The following RP1 variants were observed in gnomAD, a reference collection of about 807,000 sequenced individuals.
RP1 encodes RP1 axonemal microtubule associated.
Under a neutral mutation model 14.8 loss-of-function variants are expected in RP1, and 16 were observed. That is an observed-to-expected ratio of 1.08 (90% CI 0.73 to 1.65). The LOEUF is 1.65. Ranked by LOEUF, RP1 falls within the 40% of genes most tolerant of loss-of-function variation. The pLI is 0.00. For missense variants in RP1, 2,631 were observed against 2,535.0 expected (o/e 1.04, Z -0.81); for synonymous variants, 876 against 883.6 (o/e 0.99, Z 0.15).
At chr8:54,603,969 T>G (rs550260586) in intron 1 of RP1, among the ~76,000 whole-genome samples, 1 of 152,202 alleles carries the variant, frequency 6.6e-6, no homozygotes. Flanking sequence ...AGATATACGA[T>G]CATGTCATCT....
intron 12 of RP1, chr8:54,699,451 TA>T: frequency 7.7e-7 from 1 of 1,296,204 alleles, no homozygotes; most frequent in Non-Finnish European, 1.0e-6. Context: ...TCTAATACTT[TA>T]AAAATGTTTT....
intron 17 of RP1, among the ~76,000 whole-genome samples, chr8:54,730,485 G>A (rs1300352546): frequency 1.3e-5 from 2 of 151,902 alleles, no homozygotes; most frequent in Non-Finnish European, 2.9e-5. Flanking sequence ...TTAGAATAAT[G>A]GTATTCCTTT....
intron 24 of RP1, among the ~76,000 whole-genome samples, chr8:54,812,794 T>TATC (rs1554535905): frequency 1.7e-4 from 25 of 150,742 alleles, no homozygotes; most frequent in Admixed American, 2.6e-4. Flanking sequence ...TCTATCTATC[T>TATC]ATCTATCTAT....
chr8:54,652,840 T>C (rs2129326327), exon 5 of RP1: 1 of 1,535,762 alleles, frequency 6.5e-7, no homozygotes, highest in Non-Finnish European at 8.7e-7. Flanking sequence ...CAACTCTGGA[T>C]CCTCCCCTTC....
At chr8:54,766,912 C>A (rs927949923) in intron 22 of RP1, among the ~76,000 whole-genome samples, 1 of 152,112 alleles carries the variant, frequency 6.6e-6, no homozygotes, top group Non-Finnish European at 1.5e-5. Context: ...CTTTTTATTC[C>A]ATTCCTTTAA....
chr8:54,813,661 T>A (rs1369384797), intron 24 of RP1, among the ~76,000 whole-genome samples: 1 of 152,244 alleles, frequency 6.6e-6, no homozygotes, highest in Non-Finnish European at 1.5e-5. Context: ...CCCTCATATG[T>A]ACAGTCACAT....
intron 8 of RP1, among the ~76,000 whole-genome samples, chr8:54,676,889 G>C (rs531294665): frequency 1.3e-5 from 2 of 152,050 alleles, no homozygotes; most frequent in African/African-American, 4.8e-5. Context: ...AAGGAGACAA[G>C]TAATTCTTTT....
At chr8:54,701,698 A>G in intron 14 of RP1, 1 of 1,516,138 alleles carries the variant, frequency 6.6e-7, no homozygotes, top group Non-Finnish European at 8.8e-7. Flanking sequence ...TTATATTGCT[A>G]AATCCCAACT....
At chr8:54,682,224 T>C (rs1297354069) in intron 12 of RP1, among the ~76,000 whole-genome samples, 6 of 151,962 alleles carry the variant, frequency 3.9e-5, no homozygotes, top group African/African-American at 7.2e-5. Context: ...TGGCCTTTTT[T>C]CCCCTTTTTT....
intron 19 of RP1, among the ~76,000 whole-genome samples, chr8:54,744,760 C>T (rs989814713): frequency 1.3e-5 from 2 of 152,214 alleles, no homozygotes; most frequent in African/African-American, 4.8e-5. Context: ...TATTCCTCCA[C>T]GTGCATTTGC....
exon 20 of RP1, chr8:54,754,816 A>C: frequency 6.6e-7 from 1 of 1,521,346 alleles, no homozygotes; most frequent in Non-Finnish European, 8.8e-7. Context: ...ACCATGCAAC[A>C]TATGAAAAGC....
At chr8:54,823,594 T>C (rs527871341) in intron 24 of RP1, among the ~76,000 whole-genome samples, 1 of 152,322 alleles carries the variant, frequency 6.6e-6, no homozygotes, top group African/African-American at 2.4e-5. Flanking sequence ...CCTCCAAAAA[T>C]ACTGGGATTA....
At chr8:54,857,136 A>C (rs1036108483) in intron 27 of RP1, 17 of 1,020,688 alleles carry the variant, frequency 1.7e-5, no homozygotes, top group Non-Finnish European at 2.1e-5. Flanking sequence ...TAAGAAGTTT[A>C]TTTTGCAAAT....
At chr8:54,862,302 G>T (rs1019456402) in intron 27 of RP1, among the ~76,000 whole-genome samples, 1 of 152,030 alleles carries the variant, frequency 6.6e-6, no homozygotes, top group Non-Finnish European at 1.5e-5. Flanking sequence ...CTTCTATTAC[G>T]TCATATGCTC....
exon 15 of RP1, chr8:54,706,456 A>T (rs1448125957): frequency 8.5e-6 from 13 of 1,535,684 alleles, no homozygotes; most frequent in Non-Finnish European, 1.1e-5. Flanking sequence ...GTGTTCCTCA[A>T]CAGTGCTGTG....
chr8:54,672,585 C>T (rs1807202444), intron 7 of RP1, among the ~76,000 whole-genome samples: 1 of 152,162 alleles, frequency 6.6e-6, no homozygotes, highest in African/African-American at 2.4e-5. Flanking sequence ...TCCTAATCTG[C>T]CATCTTCTTG....
chr8:54,735,325 G>A (rs982029999), intron 18 of RP1, among the ~76,000 whole-genome samples: 2 of 152,136 alleles, frequency 1.3e-5, no homozygotes, highest in African/African-American at 4.8e-5. Flanking sequence ...GCATGTAGCT[G>A]GTTGCCTCTC....
Position 54,625,864 on chromosome 8 carries a change from A to G in RP1, c.1982A>G (p.Glu661Gly). 6.2e-7 allele frequency: 1 copy of G among 1,613,792 alleles called. No individual in the cohort carries two copies. Among genetic ancestry groups the G allele is most frequent in the Non-Finnish European group, 8.5e-7 (1 of 1,179,978 alleles). The change falls in exon 4 of 4, where the codon GAA (glutamate) becomes GGA (glycine). Residue 661 changes from glutamate (E) to glycine (G), a missense_variant. Coordinates refer to ENST00000220676, the MANE Select transcript of RP1 (RefSeq NM_006269.2). ...GGTTTAACAAAACTTCCAAAAAATG[A>G]AAAGAAGATTTTGTCATCTGTTGCC... Reference protein sequence around the residue: ...QCGLTKLPKNEKKILSSVASK... With the variant: ...QCGLTKLPKNGKKILSSVASK...
intron 2 of RP1, among the ~76,000 whole-genome samples, 174 bp downstream of exon 2, chr8:54,621,755 G>A (rs536163161): frequency 6.6e-6 from 1 of 152,240 alleles, no homozygotes; most frequent in Non-Finnish European, 1.5e-5. Flanking sequence ...AATCTGACTG[G>A]AATCTCATCT....
Sources: allele counts gnomAD v4.1 joint callset (sites outside exome capture counted in the v4.1 genomes callset), GRCh38; gene constraint gnomAD v4.1.1; transcripts MANE v1.5; gene names NCBI Gene and HGNC (gene_info 2026-07-23, HGNC 2026-07-21).